DRD2: variants seen among roughly 807,000 people sequenced by gnomAD.
DRD2 encodes dopamine receptor D2.
A neutral mutation model predicts 38.0 loss-of-function variants in DRD2; 8 were observed. The ratio of observed to expected loss-of-function variants is 0.21; its 90% confidence interval spans 0.12 to 0.38. The LOEUF (loss-of-function observed/expected upper bound fraction) is 0.38, where lower values mean the gene tolerates loss of function less well. Among genes scored for constraint, DRD2 ranks in the 10% least tolerant of loss-of-function variants. DRD2 has a pLI of 1.00. For synonymous variants in DRD2, 230 were observed against 238.6 expected, an observed-to-expected ratio of 0.96 and a Z score of 0.33; for missense variants, 403 against 607.7, an observed-to-expected ratio of 0.66 and a Z score of 3.54.
Position 113,424,403 on chromosome 11 carries a change from G to A in DRD2, c.249C>T (p.Val83=), listed in dbSNP as rs201736234. 12 of 1,614,194 alleles carry A rather than the reference G, an allele frequency of 7.4e-6. No individual in the cohort carries two copies. The East Asian group carries it at 1.6e-4, about 21-fold the overall frequency. The change falls in exon 2 of 8, where the codon GTC becomes GTT. Residue 83 remains valine (V), a synonymous_variant. Coordinates refer to ENST00000362072, the MANE Select transcript of DRD2 (RefSeq NM_000795.4). ...IVSLAVADLL[V]ATLVMPWVVY... The stretch of plus-strand genomic sequence containing the variant: ...CAACCCAGGGCATGACCAGTGTGGC[G>A]ACGAGGAGGTCGGCCACTGCGAGGC...
In DRD2 at chr11:113,424,567, C is replaced by T. The variant is rs757338225; in HGVS notation, c.85G>A (p.Ala29Thr). 3.7e-6 allele frequency: 6 copies of T among 1,614,222 alleles called. No homozygotes were observed. The highest frequency in any genetic ancestry group is 5.1e-6 in the Non-Finnish European group (6 of 1,180,044). Residue 29 changes from alanine (A) to threonine (T), a missense_variant, in exon 2 of 8, where the codon GCG (alanine) becomes ACG (threonine). Physicochemically the swap from Ala to Thr is moderately conservative, Grantham distance 58. Around this residue, in one of 4 missense-constraint regions of DRD2, gnomAD observed 162 missense variants for 254.5 expected, o/e 0.64. Coordinates refer to ENST00000362072, the MANE Select transcript of DRD2 (RefSeq NM_000795.4). ...TAGTAGTTGTAGTGGGGTCTGTCCG[C>T]CTTCCCGTCTGACCCGTTGAAGGGC... ...SRPFNGSDGK[A>T]DRPHYNYYAT...
At chr11:113,456,057 A>G (rs1347593564) in intron 1 of DRD2, among the ~76,000 whole-genome samples, 1 of 152,216 alleles carries the variant, frequency 6.6e-6, no homozygotes, top group Non-Finnish European at 1.5e-5. Flanking sequence ...CAACAGATAA[A>G]GATTGAAAAA....
intron 1 of DRD2, among the ~76,000 whole-genome samples, chr11:113,445,702 T>G (rs1476681438): frequency 6.6e-6 from 1 of 152,210 alleles, no homozygotes; most frequent in East Asian, 1.9e-4. Flanking sequence ...ATCTGTCAAT[T>G]GATCCATTTT....
At chr11:113,444,398 T>C (rs757742048) in intron 1 of DRD2, among the ~76,000 whole-genome samples, 5 of 152,228 alleles carry the variant, frequency 3.3e-5, no homozygotes, top group Non-Finnish European at 5.9e-5. Flanking sequence ...TGAATGTACA[T>C]GAATGCCCTA....
At chr11:113,426,695 C>A (rs1327736857) in intron 1 of DRD2, among the ~76,000 whole-genome samples, 1 of 152,172 alleles carries the variant, frequency 6.6e-6, no homozygotes, top group Non-Finnish European at 1.5e-5. Flanking sequence ...TCATGTCCTA[C>A]CAACCACCAT....
chr11:113,457,951 A>C (rs1359051997), intron 1 of DRD2, among the ~76,000 whole-genome samples: 2 of 152,278 alleles, frequency 1.3e-5, no homozygotes, highest in African/African-American at 4.8e-5. Flanking sequence ...GGTGGGACAC[A>C]GCAGGCCAGC....
chr11:113,437,786 C>T (rs548531414), intron 1 of DRD2, among the ~76,000 whole-genome samples: 1 of 152,278 alleles, frequency 6.6e-6, no homozygotes, highest in Admixed American at 6.5e-5. Flanking sequence ...CAGGCTCCTC[C>T]CCAATGCTCC....
intron 4 of DRD2, among the ~76,000 whole-genome samples, chr11:113,415,999 G>A (rs748687206): frequency 3.3e-5 from 5 of 152,200 alleles, no homozygotes; most frequent in Non-Finnish European, 7.3e-5. Context: ...ATTGGGAGAG[G>A]TTGGCCACCT....
chr11:113,453,424 AT>A (rs1289242323), intron 1 of DRD2, among the ~76,000 whole-genome samples: 1 of 152,242 alleles, frequency 6.6e-6, no homozygotes, highest in Non-Finnish European at 1.5e-5. Context: ...CGTGTTAACT[AT>A]TTTAACTGAG....
intron 1 of DRD2, among the ~76,000 whole-genome samples, chr11:113,458,458 C>T (rs1191867020): frequency 6.6e-6 from 1 of 152,154 alleles, no homozygotes; most frequent in Non-Finnish European, 1.5e-5. Flanking sequence ...TCTATGGTTT[C>T]TGTTGGAGAG....
intron 1 of DRD2, among the ~76,000 whole-genome samples, chr11:113,446,866 G>A (rs1951155822): frequency 6.6e-6 from 1 of 152,156 alleles, no homozygotes; most frequent in Non-Finnish European, 1.5e-5. Flanking sequence ...CTGACAGTAA[G>A]GCATATTCCC....
chr11:113,428,789 A>G (rs1171783116), intron 1 of DRD2, among the ~76,000 whole-genome samples: 1 of 152,076 alleles, frequency 6.6e-6, no homozygotes, highest in Non-Finnish European at 1.5e-5. Flanking sequence ...ATGCCTGGCT[A>G]ATTTTTAAAA....
At chr11:113,426,523 T>C (rs1343898973) in intron 1 of DRD2, among the ~76,000 whole-genome samples, 1 of 152,156 alleles carries the variant, frequency 6.6e-6, no homozygotes, top group African/African-American at 2.4e-5. Flanking sequence ...AAACCACCAA[T>C]TGATGCCATT....
Position 113,466,516 on chromosome 11 carries a change from C to T in DRD2, c.-32+8560G>A, listed in dbSNP as rs1186675968. On this transcript the variant is annotated intron_variant, in intron 1 of 7. Coordinates refer to ENST00000362072, the MANE Select transcript of DRD2 (RefSeq NM_000795.4). ...CAACTTCCATGCCCTGTGACAACTG[C>T]GAAAAATTTCCATCCAACCTATAAT... 5.3e-5 allele frequency among the ~76,000 whole-genome samples: 8 copies of T among 152,292 alleles called. 1 individual carries two copies. The highest frequency in any genetic ancestry group is 3.9e-4 in the East Asian group (2 of 5,182).
In DRD2 at chr11:113,413,661, G is replaced by C. The variant is rs998582634; in HGVS notation, c.810+714C>G. On this transcript the variant is annotated intron_variant, in intron 6 of 7. Coordinates refer to ENST00000362072, the MANE Select transcript of DRD2 (RefSeq NM_000795.4). ...TCCTGCCCTTGCAGTGCAGGTGAAG[G>C]CAGGACACCAGACCTGGATTTTGTA... Among the ~76,000 whole-genome samples the C allele has an allele frequency of 6.6e-5, 10 of 152,354 alleles. No homozygotes were observed. The South Asian group carries it at 1.9e-3, about 28-fold the overall frequency.
intron 1 of DRD2, among the ~76,000 whole-genome samples, chr11:113,453,542 A>G (rs994469567): frequency 6.6e-6 from 1 of 152,248 alleles, no homozygotes; most frequent in Non-Finnish European, 1.5e-5. Context: ...ATGCCTTCTT[A>G]GGTAGATTTC....
Position 113,475,385 on chromosome 11 carries a change from G to T in DRD2, c.-341C>A. 1 of 152,168 alleles carries T rather than the reference G, an allele frequency of 6.6e-6. No individual in the cohort carries two copies. Among genetic ancestry groups the T allele is most frequent in the South Asian group, 1.8e-4 (1 of 5,628 alleles). The allele number at this position is 152,168 out of a possible 1,614,324, so 9.4% of individuals were successfully genotyped here. A position where few individuals can be genotyped will look rare whatever the true frequency, so the allele number is the denominator to read the frequency against. On this transcript the variant is annotated 5_prime_UTR_variant, in exon 1 of 8. Coordinates refer to ENST00000362072, the MANE Select transcript of DRD2 (RefSeq NM_000795.4). ...GGCGGCGCGGTGCGCGCGTGAGGCT[G>T]CCGGTTCGGCACTGAAGCTGGACAG...
chr11:113,464,631 C>T (rs916691612), intron 1 of DRD2, among the ~76,000 whole-genome samples: 1 of 152,244 alleles, frequency 6.6e-6, no homozygotes, highest in Non-Finnish European at 1.5e-5. Flanking sequence ...ATTCTGAGCA[C>T]TGACATCGCC....
intron 1 of DRD2, among the ~76,000 whole-genome samples, chr11:113,471,403 T>C (rs1042071718): frequency 6.6e-6 from 1 of 152,172 alleles, no homozygotes; most frequent in African/African-American, 2.4e-5. Context: ...CCATGGTATA[T>C]TCTGGAGAGC....
Sources: allele counts gnomAD v4.1 joint callset (sites outside exome capture counted in the v4.1 genomes callset), GRCh38; gene constraint gnomAD v4.1.1; regional missense constraint gnomAD v4.1.1; transcripts MANE v1.5; gene names NCBI Gene and HGNC (gene_info 2026-07-23, HGNC 2026-07-21).